FAM83D: variants seen among roughly 807,000 people sequenced by gnomAD.
FAM83D encodes protein FAM83D.
In FAM83D, 26 loss-of-function variants were observed where a neutral mutation model predicts 25.4. The observed-to-expected ratio is 1.02, with a 90% CI of 0.75 to 1.42. The LOEUF is 1.42. Among genes scored for constraint, FAM83D ranks in the 40% most tolerant of loss-of-function variants. FAM83D has a pLI of 0.00. For missense variants in FAM83D, 740 were observed against 758.1 expected (o/e 0.98, Z 0.28); for synonymous variants, 310 against 318.5 (o/e 0.97, Z 0.28).
chr20:38,933,957 C>A (rs976479987), intron 1 of FAM83D, among the ~76,000 whole-genome samples: 1 of 151,884 alleles, frequency 6.6e-6, no homozygotes, highest in Admixed American at 6.6e-5. Context: ...CGGGTTCAAG[C>A]GATTCCCCTG....
In FAM83D at chr20:38,952,150, C is replaced by T; in HGVS notation, c.1388C>T (p.Pro463Leu). The T allele has an allele frequency of 6.2e-7, 1 of 1,614,174 alleles. No homozygotes were observed. ...GGAACTCAATCTACAGAAGGGTCAC[C>T]AGTCTCAAAAATGTCTGTATCGAGA... Reference protein sequence around the residue: ...PRGTQSTEGSPVSKMSVSRSS... With the variant: ...PRGTQSTEGSLVSKMSVSRSS... Residue 463 changes from proline to leucine, a missense_variant, in exon 4 of 4, where the codon CCA becomes CTA. This residue lies in a region of FAM83D where 375 missense variants were observed against 403.2 expected (regional missense o/e 0.93). Transcript: ENST00000619850.
intron 1 of FAM83D, among the ~76,000 whole-genome samples, chr20:38,929,338 T>C (rs2085649554): frequency 6.6e-6 from 1 of 152,130 alleles, no homozygotes; most frequent in Non-Finnish European, 1.5e-5. Flanking sequence ...GACAGTGTGC[T>C]GATGGGAAAC....
intron 3 of FAM83D, among the ~76,000 whole-genome samples, chr20:38,950,346 A>G (rs1466015587): frequency 6.6e-6 from 1 of 152,054 alleles, no homozygotes; most frequent in Non-Finnish European, 1.5e-5. Flanking sequence ...GCCTGCCCCT[A>G]TTGTGGTTGG....
intron 1 of FAM83D, among the ~76,000 whole-genome samples, chr20:38,928,868 G>A (rs1452450648): frequency 6.6e-6 from 1 of 152,114 alleles, no homozygotes; most frequent in East Asian, 1.9e-4. Flanking sequence ...GAGAAAGGTG[G>A]TACATTACCT....
At chr20:38,947,829 G>A in intron 2 of FAM83D, 47 bp from the exon 3 acceptor site, 1 of 1,602,424 alleles carries the variant, frequency 6.2e-7, no homozygotes, top group Non-Finnish European at 8.5e-7. Flanking sequence ...CAGCAGATGA[G>A]TATTGCTGAA....
chr20:38,938,874 G>C (rs912670451), intron 1 of FAM83D, among the ~76,000 whole-genome samples: 1 of 152,158 alleles, frequency 6.6e-6, no homozygotes. Context: ...TGTGTTGCAG[G>C]TCCTGTGTTG....
chr20:38,928,450 T>G (rs1316948663), intron 1 of FAM83D, among the ~76,000 whole-genome samples: 1 of 152,160 alleles, frequency 6.6e-6, no homozygotes, highest in Admixed American at 6.5e-5. Flanking sequence ...GAGGGTTTTT[T>G]GATGCAGCAG....
intron 3 of FAM83D, among the ~76,000 whole-genome samples, chr20:38,948,926 C>T (rs1002549667): frequency 6.6e-5 from 10 of 152,140 alleles, no homozygotes; most frequent in Admixed American, 3.9e-4. Flanking sequence ...ACAAATTGAA[C>T]TCTTTTTCTT....
chr20:38,935,504 G>T lies in FAM83D; in HGVS notation c.484-6455G>T, dbSNP rs377180502. Reference sequence around the variant, plus strand: ...GTTGCCCAGGCTAGAGTGCAGTGGTGCAATCATGACTCACTGCAGCCTCGA... The same window carrying T: ...GTTGCCCAGGCTAGAGTGCAGTGGTTCAATCATGACTCACTGCAGCCTCGA... On this transcript the variant is annotated intron_variant, in intron 1 of 3. Coordinates refer to ENST00000619850, the MANE Select transcript of FAM83D (RefSeq NM_030919.3). 3.3e-3 allele frequency among the ~76,000 whole-genome samples: 500 copies of T among 152,296 alleles called. 4 individuals are homozygous for T. Among genetic ancestry groups the T allele is most frequent in the South Asian group, 0.024 (114 of 4,830 alleles).
chr20:38,926,996 G>T, intron 1 of FAM83D, 71 bp downstream of exon 1: 5 of 1,402,564 alleles, frequency 3.6e-6, no homozygotes, highest in Non-Finnish European at 4.6e-6. Flanking sequence ...AGGCCTGCTG[G>T]GAGTACGGGC....
chr20:38,949,544 T>C (rs1231538363), intron 3 of FAM83D, among the ~76,000 whole-genome samples: 1 of 152,314 alleles, frequency 6.6e-6, no homozygotes, highest in East Asian at 1.9e-4. Context: ...AGCCATATCT[T>C]GGTTACAGGA....
At chr20:38,943,131 T>C (rs1214960930) in intron 2 of FAM83D, among the ~76,000 whole-genome samples, 1 of 152,066 alleles carries the variant, frequency 6.6e-6, no homozygotes, top group African/African-American at 2.4e-5. Context: ...TTCAAGAGAT[T>C]ATCCTGCCTC....
intron 1 of FAM83D, among the ~76,000 whole-genome samples, chr20:38,928,058 G>A (rs1393119005): frequency 6.6e-6 from 1 of 152,238 alleles, no homozygotes; most frequent in Non-Finnish European, 1.5e-5. Flanking sequence ...CAAGGAGGAA[G>A]AAGGCAGCCT....
intron 1 of FAM83D, among the ~76,000 whole-genome samples, 183 bp from the exon 2 acceptor site, chr20:38,941,776 T>C (rs1359354620): frequency 6.6e-6 from 1 of 151,898 alleles, no homozygotes; most frequent in East Asian, 1.9e-4. Context: ...GGGGCCCAAG[T>C]GTCTTTGGAG....
chr20:38,944,478 G>A (rs945250537), intron 2 of FAM83D, among the ~76,000 whole-genome samples: 2 of 152,210 alleles, frequency 1.3e-5, no homozygotes, highest in Non-Finnish European at 2.9e-5. Context: ...TATAATTAAG[G>A]CTATGCATTA....
intron 1 of FAM83D, among the ~76,000 whole-genome samples, chr20:38,940,298 T>C (rs976207021): frequency 3.9e-5 from 6 of 152,152 alleles, no homozygotes; most frequent in Non-Finnish European, 7.4e-5. Flanking sequence ...CAGGAACTGG[T>C]GTTTCAGGGT....
Position 38,952,377 on chromosome 20 carries a change from A to G in FAM83D, c.1615A>G (p.Arg539Gly). 2 of 1,614,232 alleles carry G rather than the reference A, an allele frequency of 1.2e-6. No individual in the cohort carries two copies. The highest frequency in any genetic ancestry group is 1.7e-6 in the Non-Finnish European group (2 of 1,180,040). ...KERQFHFAGI[R>G]SRLNHMLAML... is the part of the protein sequence containing the mutation. ...GCGGCAATTCCACTTCGCTGGTATC[A>G]GGTCCCGGCTCAACCACATGCTGGC... Residue 539 changes from arginine to glycine, a missense_variant, in exon 4 of 4, where the codon AGG (arginine) becomes GGG (glycine). By Grantham distance (125) the Arg-to-Gly change is moderately radical (BLOSUM62 -2). Transcript: ENST00000619850.
Position 38,948,010 on chromosome 20 carries a change from TA to T in FAM83D, c.776+12del. On this transcript the variant is annotated intron_variant, in intron 3 of 3. Coordinates refer to ENST00000619850, the MANE Select transcript of FAM83D (RefSeq NM_030919.3). The stretch of plus-strand genomic sequence containing the variant: ...CAACAGGCTCCTACAGGTAAGTCTC[TA>T]ACCCGTCCAAGGCTTATTAATCTAA... The T allele has an allele frequency of 6.2e-7, 1 of 1,613,880 alleles. No homozygotes were observed. Among genetic ancestry groups the T allele is most frequent in the Non-Finnish European group, 8.5e-7 (1 of 1,179,868 alleles).
intron 3 of FAM83D, among the ~76,000 whole-genome samples, chr20:38,949,943 C>T (rs1298687894): frequency 2.0e-5 from 3 of 152,202 alleles, no homozygotes; most frequent in Non-Finnish European, 4.4e-5. Flanking sequence ...CTCAGCCTCC[C>T]GAGTAGCTGG....
Sources: gnomAD v4.1 joint callset for allele counts (sites outside exome capture counted in the v4.1 genomes callset) on GRCh38, gnomAD v4.1.1 for gene constraint, gnomAD v4.1.1 regional missense constraint, MANE v1.5 for transcripts, NCBI Gene and HGNC (gene_info 2026-07-23, HGNC 2026-07-21) for gene names.